SNX1: variants seen among roughly 807,000 people sequenced by gnomAD.
The protein encoded by SNX1 is sorting nexin 1.
A neutral mutation model predicts 71.8 loss-of-function variants in SNX1; 36 were observed. The observed-to-expected ratio is 0.50, with a 90% CI of 0.38 to 0.66. The LOEUF (loss-of-function observed/expected upper bound fraction) is 0.66, where lower values mean the gene tolerates loss of function less well. Ranked by LOEUF, SNX1 falls within the 30% of genes least tolerant of loss-of-function variation. SNX1 has a pLI of 0.00. For missense variants in SNX1, 612 were observed against 646.7 expected (o/e 0.95, Z 0.58); for synonymous variants, 254 against 240.7 (o/e 1.06, Z -0.51).
intron 13 of SNX1, 33 bp downstream of exon 13, chr15:64,136,443 T>C (rs2081360969): frequency 6.4e-7 from 1 of 1,555,038 alleles, no homozygotes; most frequent in Non-Finnish European, 8.9e-7. Context: ...TCACTTAGCA[T>C]GCAGTGCTTG....
At position 64,138,573 on chromosome 15, in the gene SNX1, A is replaced by G. The variant is rs1358486625; in HGVS notation, c.*955A>G. 6.0e-6 allele frequency: 1 copy of G among 166,594 alleles called. No individual in the cohort carries two copies. The highest frequency in any genetic ancestry group is 2.4e-5 in the African/African-American group (1 of 41,714). The allele number at this position is 166,594 out of a possible 1,614,324, so 10.3% of individuals were successfully genotyped here. ...AAAGCCATGCCCTCTGCCTCTAGAT[A>G]GGGTGATCCAAGAGCTCCTGAACCT... On this transcript the variant is annotated 3_prime_UTR_variant, in exon 15 of 15. Coordinates refer to ENST00000559844, the MANE Select transcript of SNX1 (RefSeq NM_003099.5).
Position 64,134,682 on chromosome 15 carries a change from A to G in SNX1, c.1240A>G (p.Met414Val), listed in dbSNP as rs2081339164. 2 of 1,613,038 alleles carry G rather than the reference A, an allele frequency of 1.2e-6. No individual in the cohort carries two copies. Among genetic ancestry groups the G allele is most frequent in the Admixed American group, 1.7e-5 (1 of 59,978 alleles). ...AIVRAAFDQR[M>V]KTWQRWQDAQ... ...CCCACAGGCTGCCTTCGACCAGCGC[A>G]TGAAGACATGGCAGCGCTGGCAGGA... Residue 414 changes from methionine (M) to valine (V), a missense_variant, in exon 12 of 15, where the codon ATG becomes GTG. Physicochemically the swap from Met to Val is conservative, Grantham distance 21 (BLOSUM62 1). Coordinates refer to ENST00000559844, the MANE Select transcript of SNX1 (RefSeq NM_003099.5). The surrounding 1 kb of genome is among the most constrained non-coding windows in gnomAD (Gnocchi z 4.1).
At chr15:64,112,108 G>C (rs2081083375) in intron 1 of SNX1, among the ~76,000 whole-genome samples, 1 of 152,192 alleles carries the variant, frequency 6.6e-6, no homozygotes, top group South Asian at 2.1e-4. Context: ...CGTGTCAGAT[G>C]GGTCAGTAAT....
At chr15:64,104,458 A>G (rs2080997557) in intron 1 of SNX1, among the ~76,000 whole-genome samples, 3 of 152,022 alleles carry the variant, frequency 2.0e-5, no homozygotes, top group Admixed American at 6.5e-5. Context: ...TATTTCTAGT[A>G]GAGACAGGGT....
intron 1 of SNX1, among the ~76,000 whole-genome samples, chr15:64,100,043 A>G (rs2080942495): frequency 6.6e-6 from 1 of 152,172 alleles, no homozygotes; most frequent in Non-Finnish European, 1.5e-5. Flanking sequence ...ATTTAAGTTA[A>G]TCTTCATCTT....
rs1412424816 is a variant in SNX1 at position 64,127,008 on chromosome 15, G to T, written c.653-166G>T. ...ACTTAGAGACTAGTTTTCAAAAGTG[G>T]CTCTCATGTAAAGAACCTTTTGTTC... On this transcript the variant is annotated intron_variant, in intron 6 of 14. Coordinates refer to ENST00000559844, the MANE Select transcript of SNX1 (RefSeq NM_003099.5). Among the ~76,000 whole-genome samples the T allele has an allele frequency of 2.0e-5, 3 of 152,184 alleles. 1 individual carries two copies. The South Asian group carries it at 6.2e-4, about 32-fold the overall frequency.
rs2081150129 is a variant in SNX1 at position 64,117,996 on chromosome 15, T to A, written c.272-121T>A. 7 of 909,968 alleles carry A rather than the reference T, an allele frequency of 7.7e-6. No homozygotes were observed. In the Admixed American group the frequency reaches 1.8e-4, roughly 23 times the overall value. The allele number at this position is 909,968 out of a possible 1,614,324, so 56.4% of individuals were successfully genotyped here. On this transcript the variant is annotated intron_variant, in intron 2 of 14. Transcript: ENST00000559844. ...CTTGTAAACATTTTATGACTTTCAG[T>A]CTAAGAGCCTCTATGTATTGAGAGT...
At chr15:64,097,320 G>T (rs570481672) in intron 1 of SNX1, among the ~76,000 whole-genome samples, 1 of 152,212 alleles carries the variant, frequency 6.6e-6, no homozygotes, top group African/African-American at 2.4e-5. Context: ...TTTTGGTTTA[G>T]CTTTAGGAAG....
chr15:64,130,777 A>G (rs2081298509), intron 10 of SNX1, among the ~76,000 whole-genome samples: 1 of 152,218 alleles, frequency 6.6e-6, no homozygotes, highest in Admixed American at 6.5e-5. Flanking sequence ...TTTGCCTTAA[A>G]CATGCTGATA....
chr15:64,131,525 T>C (rs1044385181), intron 10 of SNX1, 162 bp from the exon 11 acceptor site: 13 of 646,656 alleles, frequency 2.0e-5, no homozygotes, highest in Non-Finnish European at 3.2e-5. Context: ...CTCTTTACTC[T>C]CTGAATACAG....
intron 5 of SNX1, among the ~76,000 whole-genome samples, 155 bp downstream of exon 5, chr15:64,123,701 C>G (rs892687574): frequency 2.0e-5 from 3 of 152,174 alleles, no homozygotes; most frequent in Non-Finnish European, 2.9e-5. Flanking sequence ...CCTTGGTAAT[C>G]TCATCTGGGT....
intron 1 of SNX1, among the ~76,000 whole-genome samples, chr15:64,096,975 C>T (rs1411813583): frequency 1.3e-5 from 2 of 152,162 alleles, no homozygotes; most frequent in Non-Finnish European, 2.9e-5. Context: ...AACGAAGCAG[C>T]GAAAGCAGGA....
In SNX1 at chr15:64,130,048, C is replaced by CT; in HGVS notation, c.921+21dup. On this transcript the variant is annotated intron_variant, in intron 9 of 14. Transcript: ENST00000559844. ...AGACATTGTGAGTAGCCCTGTGCCT[C>CT]TTACCTCCACCTACACCTCAGGCTT... 6.3e-7 allele frequency: 1 copy of CT among 1,575,970 alleles called. No individual in the cohort carries two copies.
At chr15:64,118,752 A>G (rs751599091) in intron 3 of SNX1, 36 bp from the exon 4 acceptor site, 5 of 1,521,478 alleles carry the variant, frequency 3.3e-6, no homozygotes, top group African/African-American at 1.4e-5. Flanking sequence ...TTTTTTTTTC[A>G]TATCAACTCT....
intron 1 of SNX1, among the ~76,000 whole-genome samples, chr15:64,100,602 C>G (rs1203736844): frequency 1.2e-3 from 36 of 29,124 alleles, no homozygotes; most frequent in African/African-American, 2.5e-3. Flanking sequence ...AAAACTCCAT[C>G]TCAAAAAAAA....
intron 1 of SNX1, among the ~76,000 whole-genome samples, chr15:64,096,835 A>T (rs1374197210): frequency 6.6e-6 from 1 of 152,220 alleles, no homozygotes; most frequent in Non-Finnish European, 1.5e-5. Flanking sequence ...CAAATCTGAA[A>T]TGTGATGAGG....
At chr15:64,135,615 T>C (rs2081350985) in intron 12 of SNX1, among the ~76,000 whole-genome samples, 1 of 151,488 alleles carries the variant, frequency 6.6e-6, no homozygotes, top group African/African-American at 2.4e-5. Context: ...AAAAATTAGC[T>C]GGGCGTGGTA....
intron 12 of SNX1, 36 bp from the exon 13 acceptor site, chr15:64,136,294 A>G (rs1159342821): frequency 2.0e-6 from 3 of 1,523,766 alleles, no homozygotes; most frequent in Non-Finnish European, 9.1e-7. Context: ...TGGTGCCATA[A>G]TATGAGGTGA....
chr15:64,115,550 G>A lies in SNX1; in HGVS notation c.272-2567G>A, dbSNP rs565237376. ...CATGAATTTCAGTAGAAGATGCACA[G>A]CTCTTCAAAAGGCTTTTTTTTTTTT... is the stretch of plus-strand genomic sequence containing the variant. On this transcript the variant is annotated intron_variant, in intron 2 of 14. Transcript: ENST00000559844. 3.7e-5 allele frequency: 15 copies of A among 407,010 alleles called. No homozygotes were observed. In the East Asian group the frequency reaches 1.2e-3, roughly 32 times the overall value. The allele number at this position is 407,010 out of a possible 1,614,324, so 25.2% of individuals were successfully genotyped here.
Sources: allele counts gnomAD v4.1 joint callset (sites outside exome capture counted in the v4.1 genomes callset), GRCh38; gene constraint gnomAD v4.1.1; non-coding constraint Gnocchi (gnomAD v3.1); transcripts MANE v1.5; gene names NCBI Gene and HGNC (gene_info 2026-07-23, HGNC 2026-07-21).